The following CDK5RAP2 variants were observed in gnomAD, a reference collection of about 807,000 sequenced individuals.
CDK5RAP2 encodes CDK5 regulatory subunit associated protein 2.
CDK5RAP2 carries 147 observed loss-of-function variants against 232.9 expected under a neutral mutation model. The ratio of observed to expected loss-of-function variants is 0.63; its 90% confidence interval spans 0.55 to 0.72. The LOEUF (loss-of-function observed/expected upper bound fraction) is 0.72. CDK5RAP2 is among the 30% of genes least tolerant of loss of function. The pLI is 0.00. For missense variants in CDK5RAP2, 2,195 were observed against 2,231.5 expected (o/e 0.98, Z 0.33); for synonymous variants, 833 against 833.7 (o/e 1.00, Z 0.01).
At chr9:120,430,452 G>T (rs1376243542) in intron 25 of CDK5RAP2, among the ~76,000 whole-genome samples, 3 of 150,430 alleles carry the variant, frequency 2.0e-5, no homozygotes, top group Non-Finnish European at 4.5e-5. Flanking sequence ...GTGGGCGAAG[G>T]ATATGAACAG....
chr9:120,437,857 G>C (rs1274120172), intron 24 of CDK5RAP2, among the ~76,000 whole-genome samples: 1 of 152,150 alleles, frequency 6.6e-6, no homozygotes, highest in African/African-American at 2.4e-5. Flanking sequence ...AGTGCCCCAA[G>C]GGTCAGAGGA....
chr9:120,518,579 T>A lies in CDK5RAP2; in HGVS notation c.1159A>T (p.Asn387Tyr). The A allele has an allele frequency of 1.2e-6, 2 of 1,613,694 alleles. No homozygotes were observed. Among genetic ancestry groups the A allele is most frequent in the Non-Finnish European group, 1.7e-6 (2 of 1,179,946 alleles). The part of the protein sequence containing the change: ...EALSAALRSQ[N>Y]LTKSTENHRL... ...TGGTTCTCTGTACTCTTGGTGAGGT[T>A]TTGTGAGCGCAGCGCAGCCGAAAGG... is the stretch of plus-strand genomic sequence containing the variant. Residue 387 changes from asparagine (N) to tyrosine (Y), a missense_variant, in exon 12 of 38, where the codon AAC becomes TAC. By Grantham distance (143) the Asn-to-Tyr change is moderately radical. Coordinates refer to ENST00000349780, the MANE Select transcript of CDK5RAP2 (RefSeq NM_018249.6).
chr9:120,403,516 T>C lies in CDK5RAP2; in HGVS notation c.5042-445A>G, dbSNP rs1007927770. The C allele has an allele frequency of 3.6e-6, 1 of 280,100 alleles. No homozygotes were observed. Among genetic ancestry groups the C allele is most frequent in the South Asian group, 4.1e-5 (1 of 24,608 alleles). 17.4% of individuals were successfully genotyped at this position (280,100 alleles called of 1,614,324 possible). A position where few individuals can be genotyped will look rare whatever the true frequency, so the allele number is the denominator to read the frequency against. The stretch of plus-strand genomic sequence containing the variant: ...AGAAGGAGCAGCATTTGAACTGGAT[T>C]GAGCAAGTAGCAAGAATTACACGAA... On this transcript the variant is annotated intron_variant, in intron 33 of 37. Transcript: ENST00000349780. The surrounding 1 kb of genome is among the most constrained non-coding windows in gnomAD (Gnocchi z 4.2).
Position 120,471,812 on chromosome 9 carries a change from C to T in CDK5RAP2, c.1794G>A (p.Val598=), listed in dbSNP as rs960035069. The change falls in exon 16 of 38, where the codon GTG becomes GTA. Residue 598 remains valine, a synonymous_variant. Transcript: ENST00000349780. ...TCTTCCGCAAATTCTGATATGAAAG[C>T]ACATCCTGCTCCAGTTGCTTCCGCA... ...FALRKQLEQD[V]LSYQNLRKTL... 1.1e-5 allele frequency: 18 copies of T among 1,613,560 alleles called. No individual in the cohort carries two copies. Among genetic ancestry groups the T allele is most frequent in the Non-Finnish European group, 1.5e-5 (18 of 1,179,472 alleles).
At chr9:120,462,156 GTGA>G (rs2037126871) in intron 18 of CDK5RAP2, among the ~76,000 whole-genome samples, 1 of 152,190 alleles carries the variant, frequency 6.6e-6, no homozygotes, top group Non-Finnish European at 1.5e-5. Flanking sequence ...TCAAACAGAA[GTGA>G]TGATCAAAAA....
At chr9:120,474,645 G>A (rs776295474) in intron 15 of CDK5RAP2, among the ~76,000 whole-genome samples, 2 of 152,162 alleles carry the variant, frequency 1.3e-5, no homozygotes, top group South Asian at 2.1e-4. Context: ...GCGGAACACC[G>A]GGTGTCTTAG....
chr9:120,550,989 C>T (rs997443244), intron 3 of CDK5RAP2, 87 bp from the exon 4 acceptor site: 15 of 797,676 alleles, frequency 1.9e-5, no homozygotes, highest in Non-Finnish European at 2.9e-5. Flanking sequence ...CTATGGATTA[C>T]GAGGCTACAA....
At chr9:120,491,862 T>C (rs556558150) in intron 12 of CDK5RAP2, among the ~76,000 whole-genome samples, 1 of 152,286 alleles carries the variant, frequency 6.6e-6, no homozygotes, top group Admixed American at 6.5e-5. Flanking sequence ...ATTTTCTAAA[T>C]GTTAATACAA....
At chr9:120,418,482 A>G (rs1049472246) in intron 27 of CDK5RAP2, among the ~76,000 whole-genome samples, 3 of 152,230 alleles carry the variant, frequency 2.0e-5, no homozygotes, top group African/African-American at 7.2e-5. Flanking sequence ...AAGTCTGCAC[A>G]AAGTCCTCGT....
intron 21 of CDK5RAP2, among the ~76,000 whole-genome samples, chr9:120,451,870 T>C (rs2036497926): frequency 6.8e-6 from 1 of 147,738 alleles, no homozygotes; most frequent in South Asian, 2.1e-4. Flanking sequence ...TTATATATTA[T>C]ATATATAATA....
chr9:120,427,218 T>G (rs1215923230), intron 25 of CDK5RAP2, among the ~76,000 whole-genome samples: 1 of 152,222 alleles, frequency 6.6e-6, no homozygotes, highest in African/African-American at 2.4e-5. Context: ...CCACTCTGTG[T>G]CTTGGACCAC....
chr9:120,573,196 A>C (rs930231533), intron 1 of CDK5RAP2, among the ~76,000 whole-genome samples: 1 of 152,216 alleles, frequency 6.6e-6, no homozygotes, highest in Admixed American at 6.5e-5. Flanking sequence ...TTCAAGATCA[A>C]AAACAGGCAA....
intron 12 of CDK5RAP2, among the ~76,000 whole-genome samples, chr9:120,500,118 G>A (rs1456009870): frequency 6.6e-6 from 1 of 152,156 alleles, no homozygotes; most frequent in East Asian, 1.9e-4. Context: ...TAAAGGAAAG[G>A]CGGGACAGGT....
intron 7 of CDK5RAP2, among the ~76,000 whole-genome samples, chr9:120,531,847 T>A (rs531933132): frequency 6.6e-6 from 1 of 152,284 alleles, no homozygotes; most frequent in South Asian, 2.1e-4. Context: ...GCAGCACCAG[T>A]GCAATGCCCC....
At chr9:120,453,982 A>G (rs2036616716) in intron 20 of CDK5RAP2, 109 bp from the exon 21 acceptor site, 2 of 1,127,160 alleles carry the variant, frequency 1.8e-6, no homozygotes, top group South Asian at 1.3e-5. Context: ...GATTCCATCA[A>G]AACTAAATAC....
chr9:120,577,996 G>A (rs189784253), intron 1 of CDK5RAP2, among the ~76,000 whole-genome samples: 3 of 152,328 alleles, frequency 2.0e-5, no homozygotes, highest in Admixed American at 1.3e-4. Context: ...CACGCCGGGC[G>A]CGGTGGCTCA....
intron 20 of CDK5RAP2, 144 bp from the exon 21 acceptor site, chr9:120,454,017 G>A: frequency 1.2e-6 from 1 of 802,204 alleles, no homozygotes; most frequent in Non-Finnish European, 2.1e-6. Context: ...ACGTGCCAGG[G>A]CCCACATCCA....
chr9:120,578,035 C>A (rs1289358312), intron 1 of CDK5RAP2, among the ~76,000 whole-genome samples: 1 of 152,110 alleles, frequency 6.6e-6, no homozygotes, highest in African/African-American at 2.4e-5. Context: ...TTTGGGAGGC[C>A]AAGGAGAGCA....
At position 120,459,202 on chromosome 9, in the gene CDK5RAP2, C is replaced by T. The variant is rs115015407; in HGVS notation, c.2203-580G>A. ...TTAGGAAGATAGAGAGTTCCTAATT[C>T]CCATGGAGATGTTATTTACCGATCC... On this transcript the variant is annotated intron_variant, in intron 19 of 37. Transcript: ENST00000349780. 6.6e-3 allele frequency among the ~76,000 whole-genome samples: 1,000 copies of T among 152,244 alleles called. 16 individuals are homozygous for T. The highest frequency in any genetic ancestry group is 0.023 in the African/African-American group (951 of 41,550).
Sources: allele counts gnomAD v4.1 joint callset (sites outside exome capture counted in the v4.1 genomes callset), GRCh38; gene constraint gnomAD v4.1.1; non-coding constraint Gnocchi (gnomAD v3.1); transcripts MANE v1.5; gene names NCBI Gene and HGNC (gene_info 2026-07-23, HGNC 2026-07-21).